The following BRINP1 variants were observed in gnomAD, a reference collection of about 807,000 sequenced individuals.
The protein encoded by BRINP1 is BMP/retinoic acid inducible neural specific 1.
BRINP1 carries 17 observed loss-of-function variants against 72.9 expected under a neutral mutation model. The ratio of observed to expected loss-of-function variants is 0.23; its 90% CI spans 0.16 to 0.35. BRINP1 has a LOEUF of 0.35. Among genes scored for constraint, BRINP1 ranks in the 10% least tolerant of loss-of-function variants. BRINP1 has a pLI of 1.00. For missense variants in BRINP1, 850 were observed against 1,001.6 expected, an observed-to-expected ratio of 0.85 and a Z score of 2.04; for synonymous variants, 418 against 378.5, an observed-to-expected ratio of 1.10 and a Z score of -1.21.
intron 7 of BRINP1, among the ~76,000 whole-genome samples, chr9:119,185,431 A>G (rs1451853764): frequency 1.3e-5 from 2 of 152,220 alleles, no homozygotes; most frequent in African/African-American, 4.8e-5. Flanking sequence ...ATTTCCTCAC[A>G]ACATCTCTGA....
At chr9:119,189,580 T>C (rs1829662461) in intron 7 of BRINP1, among the ~76,000 whole-genome samples, 1 of 152,154 alleles carries the variant, frequency 6.6e-6, no homozygotes, top group Non-Finnish European at 1.5e-5. Flanking sequence ...AAGACGGTCA[T>C]TGTATAACAA....
intron 1 of BRINP1, among the ~76,000 whole-genome samples, chr9:119,328,122 G>A (rs1831257757): frequency 6.6e-6 from 1 of 152,208 alleles, no homozygotes; most frequent in Non-Finnish European, 1.5e-5. Flanking sequence ...TAGTACGATG[G>A]ATGAAGGGGA....
intron 5 of BRINP1, among the ~76,000 whole-genome samples, chr9:119,237,402 C>T (rs1830202817): frequency 7.1e-6 from 1 of 140,088 alleles, no homozygotes; most frequent in African/African-American, 2.8e-5. Flanking sequence ...GCTCTGTTGC[C>T]CAGGCTGGAG....
At chr9:119,205,518 C>T (rs1467818199) in intron 7 of BRINP1, among the ~76,000 whole-genome samples, 2 of 152,194 alleles carry the variant, frequency 1.3e-5, no homozygotes, top group Non-Finnish European at 2.9e-5. Flanking sequence ...GACACCTGCA[C>T]TGAGCATGGT....
intron 5 of BRINP1, among the ~76,000 whole-genome samples, chr9:119,216,969 G>A (rs1446736898): frequency 1.3e-5 from 2 of 152,214 alleles, no homozygotes; most frequent in Non-Finnish European, 2.9e-5. Flanking sequence ...AACATGCCGA[G>A]CTGTCTTGGA....
At chr9:119,180,478 CATGTGTGTGTGTGTGTGTGTGTGT>C (rs1829543496) in intron 7 of BRINP1, among the ~76,000 whole-genome samples, 3 of 120,390 alleles carry the variant, frequency 2.5e-5, no homozygotes, top group Non-Finnish European at 5.3e-5. Flanking sequence ...TCTCTCTGTG[CATGTGTGTGTGTGTGTGTGTGTGT>C]GTGTGTGTGT....
At chr9:119,318,984 C>T (rs151172598) in intron 1 of BRINP1, among the ~76,000 whole-genome samples, 1 of 151,928 alleles carries the variant, frequency 6.6e-6, no homozygotes, top group Non-Finnish European at 1.5e-5. Flanking sequence ...CCCCAGGGAA[C>T]ATCTTTGATC....
chr9:119,364,018 CTTTTT>C (rs139650782), intron 1 of BRINP1, among the ~76,000 whole-genome samples: 20 of 125,484 alleles, frequency 1.6e-4, no homozygotes, highest in Admixed American at 2.5e-4. Flanking sequence ...TCATCCCTCC[CTTTTT>C]TTTTTTTTTT....
chr9:119,332,245 C>T (rs1403603486), intron 1 of BRINP1, among the ~76,000 whole-genome samples: 1 of 152,118 alleles, frequency 6.6e-6, no homozygotes, highest in African/African-American at 2.4e-5. Flanking sequence ...ACCATTCTAG[C>T]TACCATTTTT....
intron 2 of BRINP1, among the ~76,000 whole-genome samples, chr9:119,278,123 C>T (rs1011591571): frequency 3.9e-5 from 6 of 152,136 alleles, no homozygotes; most frequent in African/African-American, 7.2e-5. Context: ...AGACAAATCT[C>T]GTTTCTTGTT....
chr9:119,308,684 C>T (rs1408878556), intron 2 of BRINP1, among the ~76,000 whole-genome samples: 13 of 152,184 alleles, frequency 8.5e-5, no homozygotes, highest in Non-Finnish European at 1.8e-4. Flanking sequence ...ATATGCAATA[C>T]AGCCAGGCAA....
At chr9:119,341,725 A>G (rs1351148684) in intron 1 of BRINP1, among the ~76,000 whole-genome samples, 2 of 152,170 alleles carry the variant, frequency 1.3e-5, no homozygotes, top group Non-Finnish European at 2.9e-5. Context: ...TGATAGGTTT[A>G]TTGGTAAGTA....
At chr9:119,323,272 CA>C (rs1831207700) in intron 1 of BRINP1, among the ~76,000 whole-genome samples, 1 of 152,186 alleles carries the variant, frequency 6.6e-6, no homozygotes, top group Non-Finnish European at 1.5e-5. Context: ...AGAGAAATCT[CA>C]AACAAAAATT....
intron 2 of BRINP1, among the ~76,000 whole-genome samples, chr9:119,272,188 C>T (rs1386212239): frequency 6.6e-6 from 1 of 150,970 alleles, no homozygotes; most frequent in African/African-American, 2.5e-5. Context: ...AAGCAATTCT[C>T]GTGCCTCAGC....
chr9:119,312,669 A>T (rs1831080239), intron 2 of BRINP1, among the ~76,000 whole-genome samples: 1 of 152,208 alleles, frequency 6.6e-6, no homozygotes, highest in Non-Finnish European at 1.5e-5. Flanking sequence ...GTACATCAGC[A>T]GCATTCTCAA....
At chr9:119,198,208 T>C (rs996970520) in intron 7 of BRINP1, among the ~76,000 whole-genome samples, 5 of 152,240 alleles carry the variant, frequency 3.3e-5, no homozygotes, top group Admixed American at 6.5e-5. Flanking sequence ...CATATATGTA[T>C]AGCATGTATA....
chr9:119,268,780 T>C (rs1464134821), intron 2 of BRINP1, among the ~76,000 whole-genome samples: 1 of 152,220 alleles, frequency 6.6e-6, no homozygotes, highest in Non-Finnish European at 1.5e-5. Flanking sequence ...ACCTATTAAC[T>C]GTGCCCAGCA....
At chr9:119,228,139 T>C (rs1830111476) in intron 5 of BRINP1, among the ~76,000 whole-genome samples, 1 of 151,868 alleles carries the variant, frequency 6.6e-6, no homozygotes. Flanking sequence ...ACCCCCTTCT[T>C]CACTTCCCCT....
intron 7 of BRINP1, among the ~76,000 whole-genome samples, chr9:119,182,423 A>G (rs1177840258): frequency 1.3e-5 from 2 of 152,262 alleles, no homozygotes; most frequent in East Asian, 3.8e-4. Context: ...AAGAGATTGT[A>G]TGTATAAGAC....
Sources: gnomAD v4.1 joint callset for allele counts (sites outside exome capture counted in the v4.1 genomes callset) on GRCh38, gnomAD v4.1.1 for gene constraint, MANE v1.5 for transcripts, NCBI Gene and HGNC (gene_info 2026-07-23, HGNC 2026-07-21) for gene names.